Variants in CAST observed in about 807,000 individuals in gnomAD.
CAST encodes the protein MIR583 host.
Under a neutral mutation model 119.6 loss-of-function variants are expected in CAST, and 76 were observed. The observed-to-expected ratio is 0.64, with a 90% CI of 0.53 to 0.77. The LOEUF (loss-of-function observed/expected upper bound fraction) is 0.77. Among genes scored for constraint, CAST ranks in the 30% least tolerant of loss-of-function variants. The pLI is 0.00. For missense variants in CAST, 953 were observed against 946.5 expected, an observed-to-expected ratio of 1.01 and a Z score of -0.09; for synonymous variants, 319 against 331.6, an observed-to-expected ratio of 0.96 and a Z score of 0.41.
At chr5:96,529,753 C>T (rs544819786), upstream of CAST, 9 of 428,144 alleles carry the variant, frequency 2.1e-5, no homozygotes, top group East Asian at 8.1e-5. Flanking sequence ...TCAGTTCTCA[C>T]GAGATATAAT....
chr5:96,636,037 G>C (rs79079976), intron 1 of CAST, among the ~76,000 whole-genome samples: 1 of 152,284 alleles, frequency 6.6e-6, no homozygotes, highest in East Asian at 1.9e-4. Flanking sequence ...ATTCCAACTT[G>C]ATTCCTCTGT....
chr5:96,662,181 G>C (rs1390086503), upstream of CAST: 4 of 431,414 alleles, frequency 9.3e-6, no homozygotes, highest in Non-Finnish European at 1.2e-5. Context: ...GACCGGGGCG[G>C]AGGGTGTTAA....
At chr5:96,426,012 C>A in the CAST span, 8 of 788,758 alleles carry the variant, frequency 1.0e-5, no homozygotes, top group East Asian at 2.1e-4. Flanking sequence ...CAGTACCCTT[C>A]CCATCAGAGT....
chr5:96,487,259 A>G, the CAST span, among the ~76,000 whole-genome samples: 2 of 152,212 alleles, frequency 1.3e-5, no homozygotes, highest in Admixed American at 1.3e-4. Flanking sequence ...CCTATTCTGC[A>G]ACATAGTAAA....
At chr5:96,647,070 C>A (rs1748022982) in intron 1 of CAST, among the ~76,000 whole-genome samples, 1 of 152,130 alleles carries the variant, frequency 6.6e-6, no homozygotes, top group South Asian at 2.1e-4. Flanking sequence ...GACTTTTCTG[C>A]TGGGAACTGC....
intron 22 of CAST, among the ~76,000 whole-genome samples, chr5:96,756,678 C>T (rs1371550610): frequency 6.6e-6 from 1 of 152,132 alleles, no homozygotes; most frequent in African/African-American, 2.4e-5. Context: ...TTCACATTTT[C>T]AATGAAACAA....
chr5:96,556,229 C>G (rs1388313544), intron 1 of CAST, among the ~76,000 whole-genome samples: 1 of 152,086 alleles, frequency 6.6e-6, no homozygotes, highest in Non-Finnish European at 1.5e-5. Context: ...TCATCAAAGA[C>G]CAAAGGTAGA....
intron 1 of CAST, among the ~76,000 whole-genome samples, chr5:96,625,885 G>C (rs548195485): frequency 1.3e-5 from 2 of 152,240 alleles, no homozygotes; most frequent in East Asian, 3.9e-4. Flanking sequence ...CCCCTTGCAA[G>C]ACACTTCCAA....
chr5:96,692,919 A>G (rs954900874), intron 2 of CAST, among the ~76,000 whole-genome samples: 17 of 152,216 alleles, frequency 1.1e-4, no homozygotes, highest in Non-Finnish European at 2.5e-4. Flanking sequence ...AGTTTTCCCA[A>G]TGAATGAATG....
chr5:96,490,834 A>G, the CAST span, among the ~76,000 whole-genome samples: 1 of 152,172 alleles, frequency 6.6e-6, no homozygotes, highest in Non-Finnish European at 1.5e-5. Flanking sequence ...GAATAAATGA[A>G]AGTTTATTAA....
At chr5:96,326,042 G>A in the CAST span, among the ~76,000 whole-genome samples, 44 of 152,222 alleles carry the variant, frequency 2.9e-4, no homozygotes, top group South Asian at 4.8e-3. Flanking sequence ...CAACTTGCTC[G>A]TTCAGTCATC....
the CAST span, among the ~76,000 whole-genome samples, chr5:96,275,063 G>A: frequency 6.6e-6 from 1 of 152,180 alleles, no homozygotes; most frequent in African/African-American, 2.4e-5. Context: ...CGTTGAGGTG[G>A]TAGCAGATGC....
chr5:96,656,732 G>A (rs1287523935), intron 1 of CAST, among the ~76,000 whole-genome samples: 1 of 152,156 alleles, frequency 6.6e-6, no homozygotes, highest in African/African-American at 2.4e-5. Context: ...GAGGGATAGA[G>A]CAATGGGGAG....
At position 96,748,600 on chromosome 5, in the gene CAST, C is replaced by T. The variant is rs767412162; in HGVS notation, c.1415C>T (p.Thr472Ile). ...TGTAAAGAGAAACCATCTAAGCCAA[C>T]TGAAAAGACAGAAGTATGTTTCTAA... is the stretch of plus-strand genomic sequence containing the variant. The part of the protein sequence containing the change: ...SECKEKPSKP[T>I]EKTEESKAAA... Residue 472 changes from threonine (T) to isoleucine (I), a missense_variant, in exon 19 of 32, where the codon ACT becomes ATT. Physicochemically the swap from Thr to Ile is moderately conservative, Grantham distance 89. Transcript: ENST00000675179. 1 of 1,488,272 alleles carries T rather than the reference C, an allele frequency of 6.7e-7. No homozygotes were observed. Among genetic ancestry groups the T allele is most frequent in the East Asian group, 2.3e-5 (1 of 44,222 alleles). 92.2% of individuals were successfully genotyped at this position (1,488,272 alleles called of 1,614,324 possible).
chr5:96,015,527 C>T, the CAST span, among the ~76,000 whole-genome samples: 1 of 152,000 alleles, frequency 6.6e-6, no homozygotes, highest in Non-Finnish European at 1.5e-5. Context: ...AATATATATT[C>T]ATTTAATACT....
the CAST span, among the ~76,000 whole-genome samples, chr5:96,184,088 A>T: frequency 6.6e-6 from 1 of 152,220 alleles, no homozygotes; most frequent in Admixed American, 6.5e-5. Context: ...ATCCCAAATT[A>T]TACATACTGA....
chr5:96,125,371 T>C, the CAST span, among the ~76,000 whole-genome samples: 1 of 152,174 alleles, frequency 6.6e-6, no homozygotes, highest in Non-Finnish European at 1.5e-5. Flanking sequence ...GTGACCTCAA[T>C]AATTTTTCTC....
chr5:95,968,379 G>A, the CAST span, among the ~76,000 whole-genome samples: 1 of 152,040 alleles, frequency 6.6e-6, no homozygotes, highest in African/African-American at 2.4e-5. Flanking sequence ...TAGAACCCTT[G>A]GTATAACAAA....
At chr5:96,241,490 T>A in the CAST span, among the ~76,000 whole-genome samples, 1 of 150,696 alleles carries the variant, frequency 6.6e-6, no homozygotes, top group East Asian at 2.0e-4. Context: ...TGGTTCCAAG[T>A]CTTTGCTATT....
Sources: allele counts gnomAD v4.1 joint callset (sites outside exome capture counted in the v4.1 genomes callset), GRCh38; gene constraint gnomAD v4.1.1; transcripts MANE v1.5; gene names NCBI Gene and HGNC (gene_info 2026-07-23, HGNC 2026-07-21).